The following MPIG6B variants were observed in gnomAD, a reference collection of about 807,000 sequenced individuals.
The protein encoded by MPIG6B is immunoglobulin receptor.
A neutral mutation model predicts 24.2 loss-of-function variants in MPIG6B; 22 were observed. The ratio of observed to expected loss-of-function variants is 0.91; its 90% CI spans 0.65 to 1.30. The LOEUF (loss-of-function observed/expected upper bound fraction) is 1.30, where lower values mean the gene tolerates loss of function less well. Among genes scored for constraint, MPIG6B ranks in the 50% most tolerant of loss-of-function variants. The pLI is 0.00. For missense variants in MPIG6B, 301 were observed against 318.5 expected (o/e 0.94, Z 0.42); for synonymous variants, 136 against 142.0 (o/e 0.96, Z 0.30).
Position 31,723,940 on chromosome 6 carries a change from C to A in MPIG6B, c.363C>A (p.His121Gln), listed in dbSNP as rs780701124. Residue 121 changes from histidine to glutamine, a missense_variant, in exon 2 of 6, where the codon CAC becomes CAA. Physicochemically the swap from His to Gln is conservative, Grantham distance 24 (BLOSUM62 0). Coordinates refer to ENST00000649779, the MANE Select transcript of MPIG6B (RefSeq NM_138272.3). The surrounding 1 kb of genome is among the most constrained non-coding windows in gnomAD (Gnocchi z 4.3). The part of the protein sequence containing the change: ...RHEDESRTVL[H>Q]VLGDRTYCKA... Reference sequence around the variant, plus strand: ...AGGACGAGAGCCGTACAGTGCTTCACGTGCTGGGGGACAGGACCTATTGCA... The same window carrying A: ...AGGACGAGAGCCGTACAGTGCTTCAAGTGCTGGGGGACAGGACCTATTGCA... 1 of 1,570,684 alleles carries A rather than the reference C, an allele frequency of 6.4e-7. No homozygotes were observed. Among genetic ancestry groups the A allele is most frequent in the Non-Finnish European group, 8.6e-7 (1 of 1,156,970 alleles).
upstream of MPIG6B, chr6:31,723,355 T>G (rs1448065637): frequency 1.2e-6 from 2 of 1,605,102 alleles, no homozygotes; most frequent in South Asian, 2.2e-5. This position sits in a 1 kb window ranked among gnomAD's most constrained non-coding sequence, Gnocchi z 4.3. Flanking sequence ...GCTGATTCGC[T>G]CGCAGCTTCT....
In MPIG6B at chr6:31,723,940, C is replaced by T; in HGVS notation, c.363C>T (p.His121=). 6.4e-7 allele frequency: 1 copy of T among 1,570,684 alleles called. No homozygotes were observed. The highest frequency in any genetic ancestry group is 8.6e-7 in the Non-Finnish European group (1 of 1,156,970). ...RHEDESRTVL[H]VLGDRTYCKA... ...AGGACGAGAGCCGTACAGTGCTTCA[C>T]GTGCTGGGGGACAGGACCTATTGCA... The change falls in exon 2 of 6, where the codon CAC becomes CAT. Residue 121 remains histidine, a synonymous_variant. Coordinates refer to ENST00000649779, the MANE Select transcript of MPIG6B (RefSeq NM_138272.3). This position sits in a 1 kb window ranked among gnomAD's most constrained non-coding sequence, Gnocchi z 4.3.
rs776095281 is a variant in MPIG6B, at chr6:31,724,249, C to T, written c.500+17C>T. On this transcript the variant is annotated intron_variant, in intron 3 of 5. Transcript: ENST00000649779. ...GCTGCACAGGTGAGCAGGAGGGACC[C>T]GGCCTCGTTAAATGGGGAGTGACCA... The T allele has an allele frequency of 6.9e-6, 11 of 1,600,990 alleles. No individual in the cohort carries two copies. Among genetic ancestry groups the T allele is most frequent in the Middle Eastern group, 1.7e-4 (1 of 6,040 alleles).
rs1341232238 is a variant in MPIG6B, at chr6:31,726,317, G to C, written c.*1243G>C. The stretch of plus-strand genomic sequence containing the variant: ...CTACAGCACTTTGTCCACTCTCCAG[G>C]CTTACCTGTGTCATTCCACATGCAC... On this transcript the variant is annotated 3_prime_UTR_variant, in exon 6 of 6. Transcript: ENST00000649779. This position sits in a 1 kb window ranked among gnomAD's most constrained non-coding sequence, Gnocchi z 5.1. 1 of 152,228 alleles carries C rather than the reference G, an allele frequency of 6.6e-6. No individual in the cohort carries two copies. 9.4% of individuals were successfully genotyped at this position (152,228 alleles called of 1,614,324 possible). A position where few individuals can be genotyped will look rare whatever the true frequency, so the allele number is the denominator to read the frequency against.
In MPIG6B at chr6:31,724,770, C is replaced by G. The variant is rs553018500; in HGVS notation, c.547C>G (p.Leu183Val). 2.1e-4 allele frequency: 341 copies of G among 1,613,982 alleles called. 5 individuals carry two copies. In the Admixed American group the frequency reaches 5.6e-3, roughly 27 times the overall value. ...PIRPLPRFAP[L>V]VKTEPQRPVK... ...GCTCTGTCCCCCCCACATAGCTCCA[C>G]TTGTGAAAACCGAGCCCCAGAGGCC... Residue 183 changes from leucine to valine, a missense_variant, in exon 5 of 6, where the codon CTT (leucine) becomes GTT (valine). Coordinates refer to ENST00000649779, the MANE Select transcript of MPIG6B (RefSeq NM_138272.3).
At chr6:31,724,091 C>G (rs772314539) in intron 2 of MPIG6B, 51 bp from the exon 3 acceptor site, 1 of 1,583,678 alleles carries the variant, frequency 6.3e-7, no homozygotes, top group Non-Finnish European at 8.6e-7. Flanking sequence ...CTGGCTGTCC[C>G]TCGTCAAACC....
chr6:31,723,763 G>A lies in MPIG6B; in HGVS notation c.186G>A (p.Pro62=). The change falls in exon 2 of 6, where the codon CCG becomes CCA. Residue 62 remains proline, a synonymous_variant. Transcript: ENST00000649779. The surrounding 1 kb of genome is among the most constrained non-coding windows in gnomAD (Gnocchi z 4.3). The stretch of plus-strand genomic sequence containing the variant: ...AGGGCCTGTCCAAAGGACGCCGACC[G>A]ATCCTGTGGGCCTCTTCGAGCGGGA... ...ACKGLSKGRR[P]ILWASSSGTP... is the part of the protein sequence containing the mutation. 5 of 1,613,854 alleles carry A rather than the reference G, an allele frequency of 3.1e-6. No individual in the cohort carries two copies. The highest frequency in any genetic ancestry group is 4.2e-6 in the Non-Finnish European group (5 of 1,180,008).
In MPIG6B at chr6:31,723,479, G is replaced by C; in HGVS notation, c.61+35G>C. 1 of 1,597,630 alleles carries C rather than the reference G, an allele frequency of 6.3e-7. No homozygotes were observed. Among genetic ancestry groups the C allele is most frequent in the Non-Finnish European group, 8.6e-7 (1 of 1,166,030 alleles). ...CCCTGGGAGAGTTGTGATAGACGCA[G>C]AGGGGCTGAAGCAAGATAAGGGCCG... On this transcript the variant is annotated intron_variant, in intron 1 of 5. Coordinates refer to ENST00000649779, the MANE Select transcript of MPIG6B (RefSeq NM_138272.3). The surrounding 1 kb of genome is among the most constrained non-coding windows in gnomAD (Gnocchi z 4.3).
upstream of MPIG6B, chr6:31,721,983 G>T (rs1351394057): frequency 4.8e-6 from 2 of 420,734 alleles, no homozygotes; most frequent in East Asian, 7.7e-5. Flanking sequence ...TGCCCTTCCT[G>T]GTCCCCAGCT....
Position 31,723,649 on chromosome 6 carries a change from C to A in MPIG6B, c.72C>A (p.Asp24Glu). 1 of 1,569,056 alleles carries A rather than the reference C, an allele frequency of 6.4e-7. No individual in the cohort carries two copies. Among genetic ancestry groups the A allele is most frequent in the South Asian group, 1.2e-5 (1 of 85,756 alleles). Reference sequence around the variant, plus strand: ...TCCGGCCTCTCCTAGCTTCTCTGGACGGCCGCCCTGGGGACCGGGTGAATC... The same window carrying A: ...TCCGGCCTCTCCTAGCTTCTCTGGAAGGCCGCCCTGGGGACCGGGTGAATC... ...RAQGNPGASL[D>E]GRPGDRVNLS... Residue 24 changes from aspartate (D) to glutamate (E), a missense_variant, in exon 2 of 6, where the codon GAC becomes GAA. Coordinates refer to ENST00000649779, the MANE Select transcript of MPIG6B (RefSeq NM_138272.3). The surrounding 1 kb of genome is among the most constrained non-coding windows in gnomAD (Gnocchi z 4.3).
Position 31,724,844 on chromosome 6 carries a change from G to A in MPIG6B, c.621G>A (p.Pro207=), listed in dbSNP as rs147600887. The A allele has an allele frequency of 2.8e-5, 45 of 1,613,774 alleles. No homozygotes were observed. Among genetic ancestry groups the A allele is most frequent in the Non-Finnish European group, 3.2e-5 (38 of 1,179,916 alleles). Residue 207 remains proline, a splice_region_variant and synonymous_variant, in exon 5 of 6, where the codon CCG becomes CCA. Transcript: ENST00000649779. ...PKIPGDLDQE[P]SLLYADLDHL... ...TTCCAGGGGACCTGGACCAGGAACCGGTAAGGGCATGGGGATGGGAAGGGG... is the reference window on the plus strand; with the variant it reads ...TTCCAGGGGACCTGGACCAGGAACCAGTAAGGGCATGGGGATGGGAAGGGG...
upstream of MPIG6B, among the ~76,000 whole-genome samples, chr6:31,722,589 G>C (rs1327010400): frequency 6.6e-6 from 1 of 152,132 alleles, no homozygotes; most frequent in Non-Finnish European, 1.5e-5. Flanking sequence ...GGGTGTGGTG[G>C]CTCACACCTG....
Position 31,723,880 on chromosome 6 carries a change from G to A in MPIG6B, c.303G>A (p.Gly101=), listed in dbSNP as rs453098. 121,593 of 1,609,320 alleles carry A rather than the reference G, an allele frequency of 0.076. 6,497 individuals are homozygous for A. Among genetic ancestry groups the A allele is most frequent in the African/African-American group, 0.27 (20,279 of 74,748 alleles). The change falls in exon 2 of 6, where the codon GGG becomes GGA. Residue 101 remains glycine, a synonymous_variant. Transcript: ENST00000649779. The surrounding 1 kb of genome is among the most constrained non-coding windows in gnomAD (Gnocchi z 4.3). ...GGCTGGAGCTCCTCTTGAGCGCGGG[G>A]GACTCGGGCACTTTTTTCTGCAAGG... ...IRRLELLLSA[G]DSGTFFCKGR...
chr6:31,724,167 C>T lies in MPIG6B; in HGVS notation c.435C>T (p.Ile145=), dbSNP rs1477793380. 2 of 1,613,030 alleles carry T rather than the reference C, an allele frequency of 1.2e-6. No homozygotes were observed. The highest frequency in any genetic ancestry group is 1.3e-5 in the African/African-American group (1 of 74,920). ...THGSVYPQLL[I]PLLGAGLVLG... is the part of the protein sequence containing the mutation. The stretch of plus-strand genomic sequence containing the variant: ...GGTCCGTGTATCCCCAGCTCCTGAT[C>T]CCGCTGCTGGGCGCTGGGTTGGTGC... Residue 145 remains isoleucine (I), a synonymous_variant, in exon 3 of 6, where the codon ATC becomes ATT. Transcript: ENST00000649779.
intron 3 of MPIG6B, 127 bp downstream of exon 3, chr6:31,724,359 A>ACTC (rs1807145037): frequency 2.3e-6 from 2 of 880,172 alleles, no homozygotes; most frequent in South Asian, 3.0e-5. Context: ...AGAATGGGAG[A>ACTC]GGTCAAAGGT....
chr6:31,724,913 C>T, intron 5 of MPIG6B, 57 bp from the exon 6 acceptor site: 1 of 1,606,546 alleles, frequency 6.2e-7, no homozygotes, highest in Non-Finnish European at 8.5e-7. Flanking sequence ...AAAAAAAGGC[C>T]TGAACCCCAA....
upstream of MPIG6B, chr6:31,721,824 CACTT>C: frequency 1.3e-6 from 1 of 770,176 alleles, no homozygotes; most frequent in Non-Finnish European, 2.1e-6. Context: ...CCTCCCTTCT[CACTT>C]ACTACGCAGC....
chr6:31,723,324 C>T, upstream of MPIG6B: 8 of 1,471,240 alleles, frequency 5.4e-6, no homozygotes, highest in Non-Finnish European at 7.5e-6. This position sits in a 1 kb window ranked among gnomAD's most constrained non-coding sequence, Gnocchi z 4.3. Context: ...CCTCCGGTCC[C>T]CCCCCAACCG....
upstream of MPIG6B, chr6:31,721,833 C>T (rs752965796): frequency 5.3e-5 from 38 of 712,448 alleles, no homozygotes; most frequent in South Asian, 7.2e-5. Context: ...TCACTTACTA[C>T]GCAGCTGACC....
Sources: allele counts gnomAD v4.1 joint callset (sites outside exome capture counted in the v4.1 genomes callset), GRCh38; gene constraint gnomAD v4.1.1; non-coding constraint Gnocchi (gnomAD v3.1); transcripts MANE v1.5; gene names NCBI Gene and HGNC (gene_info 2026-07-23, HGNC 2026-07-21).